MACROD2: variants seen among roughly 807,000 people sequenced by gnomAD.
MACROD2 encodes the protein mono-ADP ribosylhydrolase 2.
In MACROD2, 36 loss-of-function variants were observed where a neutral mutation model predicts 70.4. The ratio of observed to expected loss-of-function variants is 0.51; its 90% CI spans 0.39 to 0.68. MACROD2 has a LOEUF of 0.68. Ranked by LOEUF, MACROD2 falls within the 30% of genes least tolerant of loss-of-function variation. The probability of loss-of-function intolerance (pLI) is 0.00; values close to 1 mark genes in which losing one functional copy is unlikely to be tolerated. For synonymous variants in MACROD2, 172 were observed against 178.8 expected (o/e 0.96, Z 0.30); for missense variants, 496 against 538.4 (o/e 0.92, Z 0.78).
At chr20:15,579,161 C>T (rs976188525) in intron 8 of MACROD2, among the ~76,000 whole-genome samples, 1 of 152,094 alleles carries the variant, frequency 6.6e-6, no homozygotes, top group African/African-American at 2.4e-5. Context: ...ATTAGGGGTG[C>T]AACTGTGGCA....
chr20:15,951,306 G>GACACACACAC (rs58032991), intron 12 of MACROD2, among the ~76,000 whole-genome samples: 3,113 of 135,554 alleles, frequency 0.023, 60 homozygotes, highest in South Asian at 0.053. Flanking sequence ...TATTTATCTA[G>GACACACACAC]ACACACACAC....
intron 5 of MACROD2, among the ~76,000 whole-genome samples, chr20:14,942,955 C>T (rs1476456200): frequency 6.6e-6 from 1 of 152,168 alleles, no homozygotes; most frequent in Admixed American, 6.5e-5. Flanking sequence ...TTTCTAAATG[C>T]TAATTAATTC....
chr20:14,582,733 A>T (rs1193506334), intron 4 of MACROD2, among the ~76,000 whole-genome samples: 2 of 152,100 alleles, frequency 1.3e-5, no homozygotes, highest in Non-Finnish European at 2.9e-5. Context: ...AATAAGGACC[A>T]CCCAGATATT....
intron 3 of MACROD2, among the ~76,000 whole-genome samples, chr20:14,217,030 C>G (rs562512669): frequency 1.3e-5 from 2 of 152,246 alleles, no homozygotes; most frequent in South Asian, 2.1e-4. Flanking sequence ...CTGGCTAGGA[C>G]TTCCAGTACT....
chr20:14,153,020 A>G (rs1265551349), intron 3 of MACROD2, among the ~76,000 whole-genome samples: 1 of 152,236 alleles, frequency 6.6e-6, no homozygotes, highest in African/African-American at 2.4e-5. Flanking sequence ...TAGATAAAAA[A>G]TAAATTAAAT....
intron 4 of MACROD2, among the ~76,000 whole-genome samples, chr20:14,569,329 A>G (rs1179507221): frequency 6.6e-6 from 1 of 152,066 alleles, no homozygotes; most frequent in Non-Finnish European, 1.5e-5. Context: ...TCTCTTAAAA[A>G]AAACTATTAA....
At chr20:14,725,723 A>G (rs1234821899) in intron 5 of MACROD2, among the ~76,000 whole-genome samples, 1 of 152,154 alleles carries the variant, frequency 6.6e-6, no homozygotes, top group Non-Finnish European at 1.5e-5. Flanking sequence ...CTGGGAAACA[A>G]TATAGAATAT....
intron 7 of MACROD2, among the ~76,000 whole-genome samples, chr20:15,478,129 A>C (rs1182822978): frequency 6.6e-6 from 1 of 152,198 alleles, no homozygotes; most frequent in African/African-American, 2.4e-5. Flanking sequence ...GTGTTGTTCT[A>C]AGTCACTGAG....
At chr20:14,673,793 G>A (rs956678208) in intron 4 of MACROD2, among the ~76,000 whole-genome samples, 9 of 151,596 alleles carry the variant, frequency 5.9e-5, no homozygotes, top group African/African-American at 9.7e-5. Context: ...GGTGGTGGGC[G>A]CCTGTAATCT....
chr20:15,063,935 A>G (rs2075553891), intron 5 of MACROD2, among the ~76,000 whole-genome samples: 1 of 152,188 alleles, frequency 6.6e-6, no homozygotes, highest in African/African-American at 2.4e-5. Flanking sequence ...GATTTCCAAA[A>G]TTTACTGCTG....
intron 6 of MACROD2, among the ~76,000 whole-genome samples, chr20:15,354,630 C>T (rs1438470097): frequency 6.6e-6 from 1 of 151,632 alleles, no homozygotes. Context: ...CTCCTAGGAA[C>T]TTAAATGTAA....
At chr20:14,163,711 C>T (rs1283836473) in intron 3 of MACROD2, among the ~76,000 whole-genome samples, 4 of 150,764 alleles carry the variant, frequency 2.7e-5, no homozygotes, top group Non-Finnish European at 4.4e-5. Flanking sequence ...TTCTGAGATT[C>T]CGTCTTCTGC....
chr20:14,111,544 C>T (rs758312198), intron 3 of MACROD2, among the ~76,000 whole-genome samples: 11 of 151,896 alleles, frequency 7.2e-5, no homozygotes, highest in Non-Finnish European at 1.3e-4. Context: ...TAAAAATGGG[C>T]CAAAGATGTG....
chr20:14,729,460 A>G (rs2071567960), intron 5 of MACROD2, among the ~76,000 whole-genome samples: 2 of 152,210 alleles, frequency 1.3e-5, no homozygotes, highest in Admixed American at 6.5e-5. Context: ...TCAAAGGACT[A>G]AGTGAGAGCT....
intron 3 of MACROD2, among the ~76,000 whole-genome samples, chr20:14,321,832 A>G (rs999682744): frequency 1.3e-5 from 2 of 152,170 alleles, no homozygotes; most frequent in Non-Finnish European, 2.9e-5. Flanking sequence ...TGTAAGATAG[A>G]GCACAGTGTC....
chr20:14,082,559 G>T (rs561723201), intron 2 of MACROD2, among the ~76,000 whole-genome samples: 1 of 152,084 alleles, frequency 6.6e-6, no homozygotes, highest in East Asian at 1.9e-4. Context: ...TGTCTCATAT[G>T]TTTAAAAATT....
chr20:14,630,432 T>C (rs1186211170), intron 4 of MACROD2, among the ~76,000 whole-genome samples: 2 of 152,228 alleles, frequency 1.3e-5, no homozygotes, highest in Non-Finnish European at 2.9e-5. Flanking sequence ...TTTGAGGCTT[T>C]AAGAAGTAGG....
At chr20:15,148,117 T>G (rs1243170623) in intron 5 of MACROD2, among the ~76,000 whole-genome samples, 2 of 151,826 alleles carry the variant, frequency 1.3e-5, no homozygotes, top group Non-Finnish European at 2.9e-5. Flanking sequence ...TGAAAATTTT[T>G]GGGGGGTGGT....
At chr20:14,400,493 A>C (rs1373670386) in intron 3 of MACROD2, among the ~76,000 whole-genome samples, 1 of 152,198 alleles carries the variant, frequency 6.6e-6, no homozygotes, top group Non-Finnish European at 1.5e-5. Context: ...TACTGCCTGT[A>C]AATCTTGTAG....
Sources: allele counts gnomAD v4.1 joint callset (sites outside exome capture counted in the v4.1 genomes callset), GRCh38; gene constraint gnomAD v4.1.1; transcripts MANE v1.5; gene names NCBI Gene and HGNC (gene_info 2026-07-23, HGNC 2026-07-21).